SLC9A9: variants seen among roughly 807,000 people sequenced by gnomAD.
The protein encoded by SLC9A9 is sodium/hydrogen exchanger 9.
A neutral mutation model predicts 77.8 loss-of-function variants in SLC9A9; 62 were observed. The ratio of observed to expected loss-of-function variants is 0.80; its 90% CI spans 0.65 to 0.98. SLC9A9 has a LOEUF of 0.98. SLC9A9 is among the 50% of genes least tolerant of loss of function. The pLI is 0.00. For synonymous variants in SLC9A9, 320 were observed against 283.5 expected, an observed-to-expected ratio of 1.13 and a Z score of -1.29; for missense variants, 775 against 774.9, an observed-to-expected ratio of 1.00 and a Z score of 0.00.
chr3:143,428,091 T>A (rs927441069), intron 12 of SLC9A9, among the ~76,000 whole-genome samples: 3 of 152,032 alleles, frequency 2.0e-5, no homozygotes, highest in African/African-American at 7.2e-5. Context: ...TAGGATTACA[T>A]CAAGCCCAAA....
At chr3:143,747,529 TAC>T in intron 4 of SLC9A9, among the ~76,000 whole-genome samples, 1 of 152,248 alleles carries the variant, frequency 6.6e-6, no homozygotes, top group African/African-American at 2.4e-5. Context: ...CCTTATGATG[TAC>T]AGGCAGAGAG....
At chr3:143,345,905 C>T (rs2032257733) in intron 14 of SLC9A9, among the ~76,000 whole-genome samples, 1 of 152,136 alleles carries the variant, frequency 6.6e-6, no homozygotes, top group African/African-American at 2.4e-5. Context: ...CATTAGTGAA[C>T]TGGAGTCCCT....
At chr3:143,360,226 G>T (rs1302384283) in intron 14 of SLC9A9, among the ~76,000 whole-genome samples, 2 of 152,152 alleles carry the variant, frequency 1.3e-5, no homozygotes, top group African/African-American at 4.8e-5. Context: ...GAGGGTGGTT[G>T]TAAGAATTAA....
At position 143,391,597 on chromosome 3, in the gene SLC9A9, T is replaced by G. The variant is rs191513940; in HGVS notation, c.1470-9483A>C. On this transcript the variant is annotated intron_variant, in intron 12 of 15. Coordinates refer to ENST00000316549, the MANE Select transcript of SLC9A9 (RefSeq NM_173653.4). ...TTGCCAGCAATGGAACAAAGCTGGA[T>G]GGAAAATGACTTTGACGAGTTGAGA... Among the ~76,000 whole-genome samples, 215 of 152,308 alleles carry G rather than the reference T, an allele frequency of 1.4e-3. 1 individual carries two copies. The highest frequency in any genetic ancestry group is 6.8e-3 in the Middle Eastern group (2 of 292).
chr3:143,546,012 A>T (rs937844603), intron 9 of SLC9A9, among the ~76,000 whole-genome samples: 2 of 152,224 alleles, frequency 1.3e-5, no homozygotes, highest in Non-Finnish European at 2.9e-5. Flanking sequence ...TCAATCATTC[A>T]TTTTACAGAT....
intron 4 of SLC9A9, among the ~76,000 whole-genome samples, chr3:143,709,081 CA>C (rs1934072149): frequency 6.6e-6 from 1 of 152,100 alleles, no homozygotes; most frequent in Non-Finnish European, 1.5e-5. Context: ...CATGGACCAC[CA>C]AACATAAATG....
intron 2 of SLC9A9, among the ~76,000 whole-genome samples, chr3:143,828,371 A>G (rs571770526): frequency 1.3e-5 from 2 of 152,276 alleles, no homozygotes; most frequent in African/African-American, 4.8e-5. Context: ...GGCATGGGGC[A>G]CCAGGATAGG....
chr3:143,398,096 T>A (rs77620831), intron 12 of SLC9A9, among the ~76,000 whole-genome samples: 1,840 of 152,176 alleles, frequency 0.012, 33 homozygotes, highest in African/African-American at 0.039. Context: ...GATTCTGAAC[T>A]TCCCCCCCGC....
chr3:143,420,673 T>C (rs556701187), intron 12 of SLC9A9, among the ~76,000 whole-genome samples: 78 of 152,328 alleles, frequency 5.1e-4, no homozygotes, highest in Non-Finnish European at 9.6e-4. Context: ...ATTGTTTCTA[T>C]CTATGAGGCA....
At chr3:143,794,487 A>G (rs1018292206) in intron 4 of SLC9A9, among the ~76,000 whole-genome samples, 2 of 152,208 alleles carry the variant, frequency 1.3e-5, no homozygotes, top group Non-Finnish European at 2.9e-5. Context: ...ATACAATGAA[A>G]AAAAGAGTCT....
intron 11 of SLC9A9, among the ~76,000 whole-genome samples, chr3:143,486,123 T>C (rs577283833): frequency 1.3e-5 from 2 of 152,050 alleles, no homozygotes; most frequent in Non-Finnish European, 2.9e-5. Context: ...TAAGCTGATA[T>C]AGTCAAAACG....
At chr3:143,654,098 A>G (rs1403074948) in intron 5 of SLC9A9, among the ~76,000 whole-genome samples, 1 of 152,210 alleles carries the variant, frequency 6.6e-6, no homozygotes, top group African/African-American at 2.4e-5. Flanking sequence ...GTAGCAATGT[A>G]TTGTACACTT....
At chr3:143,516,223 A>G (rs1350042024) in intron 9 of SLC9A9, among the ~76,000 whole-genome samples, 1 of 147,984 alleles carries the variant, frequency 6.8e-6, no homozygotes, top group Admixed American at 6.7e-5. Flanking sequence ...CTTCTCTTAT[A>G]GCATTGCTTA....
chr3:143,372,325 TAC>T (rs1316603148), intron 13 of SLC9A9, among the ~76,000 whole-genome samples: 1 of 152,134 alleles, frequency 6.6e-6, no homozygotes, highest in Non-Finnish European at 1.5e-5. Flanking sequence ...CTACCAAGGC[TAC>T]AGTTACCAAA....
At chr3:143,338,957 A>C (rs986063572) in intron 14 of SLC9A9, among the ~76,000 whole-genome samples, 1 of 152,224 alleles carries the variant, frequency 6.6e-6, no homozygotes, top group African/African-American at 2.4e-5. Flanking sequence ...ATGTGAACTG[A>C]AAAATTCTTA....
chr3:143,446,610 A>G (rs2034847915), intron 12 of SLC9A9, among the ~76,000 whole-genome samples: 2 of 152,144 alleles, frequency 1.3e-5, no homozygotes, highest in Admixed American at 6.6e-5. Context: ...TCACAGTCTA[A>G]GGTGGAAAGT....
At chr3:143,282,024 CT>C (rs1454070456) in intron 14 of SLC9A9, among the ~76,000 whole-genome samples, 1 of 152,192 alleles carries the variant, frequency 6.6e-6, no homozygotes, top group Non-Finnish European at 1.5e-5. Context: ...ATTTGGACAG[CT>C]TTTCCTTTCA....
At chr3:143,619,110 C>T (rs190102910) in intron 6 of SLC9A9, among the ~76,000 whole-genome samples, 1 of 152,238 alleles carries the variant, frequency 6.6e-6, no homozygotes, top group Admixed American at 6.5e-5. Flanking sequence ...TTTTCTAAGC[C>T]CTGTATTTTA....
chr3:143,623,727 A>C (rs1343341070), intron 6 of SLC9A9, among the ~76,000 whole-genome samples: 4 of 152,214 alleles, frequency 2.6e-5, no homozygotes, highest in South Asian at 2.1e-4. Flanking sequence ...GAGCAAATAC[A>C]TTCAAAAGCG....
Sources: allele counts gnomAD v4.1 joint callset (sites outside exome capture counted in the v4.1 genomes callset), GRCh38; gene constraint gnomAD v4.1.1; transcripts MANE v1.5; gene names NCBI Gene and HGNC (gene_info 2026-07-23, HGNC 2026-07-21).